Variants in DNAH11 observed in about 807,000 individuals in gnomAD.
The protein encoded by DNAH11 is dynein axonemal heavy chain 11.
In DNAH11, 442 loss-of-function variants were observed where a neutral mutation model predicts 526.0. That is an observed-to-expected ratio of 0.84 (90% CI 0.78 to 0.91). DNAH11 has a LOEUF of 0.91. Ranked by LOEUF, DNAH11 falls within the 40% of genes least tolerant of loss-of-function variation. The probability of loss-of-function intolerance (pLI) is 0.00; values close to 1 mark genes in which losing one functional copy is unlikely to be tolerated. For missense variants in DNAH11, 6,989 were observed against 5,448.7 expected, an observed-to-expected ratio of 1.28 and a Z score of -8.90; for synonymous variants, 2,461 against 1,935.9, an observed-to-expected ratio of 1.27 and a Z score of -7.12.
intron 14 of DNAH11, 64 bp from the exon 15 acceptor site, chr7:21,599,723 A>G: frequency 1.2e-5 from 15 of 1,221,194 alleles, no homozygotes; most frequent in Non-Finnish European, 1.7e-5. Flanking sequence ...ATTTAAACGG[A>G]GAGTTTTAGT....
At chr7:21,816,756 TG>T (rs1256025544) in intron 64 of DNAH11, 54 bp downstream of exon 64, 2 of 1,479,386 alleles carry the variant, frequency 1.4e-6, no homozygotes, top group Non-Finnish European at 1.9e-6. Context: ...GAAGTGGGTC[TG>T]ATTTTTATAA....
intron 58 of DNAH11, among the ~76,000 whole-genome samples, chr7:21,786,159 A>G (rs1788171651): frequency 1.3e-5 from 2 of 152,168 alleles, no homozygotes; most frequent in East Asian, 3.8e-4. Flanking sequence ...AATGGAAGAT[A>G]TTTCTTTCTT....
At chr7:21,742,736 A>C (rs1444579671) in intron 49 of DNAH11, among the ~76,000 whole-genome samples, 4 of 152,214 alleles carry the variant, frequency 2.6e-5, no homozygotes, top group Non-Finnish European at 5.9e-5. Flanking sequence ...TAAACTTCTC[A>C]GGAAGTAAGT....
chr7:21,881,008 C>A (rs1398186035), intron 75 of DNAH11, 115 bp downstream of exon 75: 1 of 933,958 alleles, frequency 1.1e-6, no homozygotes. Context: ...AAATAGCTGA[C>A]ACTATGTATG....
Position 21,854,444 on chromosome 7 carries a change from T to G in DNAH11, c.11191T>G (p.Phe3731Val), listed in dbSNP as rs2128025485. Reference protein sequence around the residue: ...DLQKINPLYQFSLKAFNVLFH... With the variant: ...DLQKINPLYQVSLKAFNVLFH... ...CCAAAAAATCAACCCCCTCTACCAA[T>G]TCTCTTTGAAGGTAATGCTGAATGA... Residue 3731 changes from phenylalanine (F) to valine (V), a missense_variant, in exon 68 of 82, where the codon TTC (phenylalanine) becomes GTC (valine). Phe to Val is a conservative substitution (Grantham distance 50). Transcript: ENST00000409508. 1 of 1,613,724 alleles carries G rather than the reference T, an allele frequency of 6.2e-7. No individual in the cohort carries two copies. The highest frequency in any genetic ancestry group is 2.2e-5 in the East Asian group (1 of 44,834).
chr7:21,550,787 C>G (rs920169776), intron 2 of DNAH11, among the ~76,000 whole-genome samples: 1 of 152,110 alleles, frequency 6.6e-6, no homozygotes, highest in Non-Finnish European at 1.5e-5. Flanking sequence ...TGACCACATT[C>G]CCAGTGGTGG....
In DNAH11 at chr7:21,819,643, A is replaced by G. The variant is rs374380274; in HGVS notation, c.10691+1304A>G. On this transcript the variant is annotated intron_variant, in intron 65 of 81. Coordinates refer to ENST00000409508, the MANE Select transcript of DNAH11 (RefSeq NM_001277115.2). ...CTCTGAGCTTCAATTTCAACTTTCA[A>G]TAGCACAATTTAGGTGTAAGCAATT... Among the ~76,000 whole-genome samples the G allele has an allele frequency of 9.8e-5, 15 of 152,298 alleles. No individual in the cohort carries two copies. In the South Asian group the frequency reaches 1.2e-3, roughly 13 times the overall value.
At chr7:21,567,817 A>G (rs1385783670) in intron 6 of DNAH11, among the ~76,000 whole-genome samples, 1 of 152,268 alleles carries the variant, frequency 6.6e-6, no homozygotes, top group Non-Finnish European at 1.5e-5. Context: ...GGCCAGACAC[A>G]TAAAAGGCAT....
At chr7:21,748,545 G>C in intron 51 of DNAH11, 35 bp from the exon 52 acceptor site, 1 of 1,437,700 alleles carries the variant, frequency 7.0e-7, no homozygotes, top group Admixed American at 2.4e-5. Flanking sequence ...GGGCATTTTC[G>C]ATTTTGTGCC....
intron 62 of DNAH11, among the ~76,000 whole-genome samples, chr7:21,802,368 T>C (rs1481395596): frequency 6.6e-6 from 1 of 152,164 alleles, no homozygotes; most frequent in Non-Finnish European, 1.5e-5. Context: ...GAAATGCTGG[T>C]TGGAATGTAA....
chr7:21,612,219 A>G (rs1583527689), intron 20 of DNAH11, among the ~76,000 whole-genome samples: 1 of 152,160 alleles, frequency 6.6e-6, no homozygotes, highest in Admixed American at 6.5e-5. Context: ...AATAAAAAGA[A>G]AAATATTAAC....
At position 21,861,914 on chromosome 7, in the gene DNAH11, G is replaced by C; in HGVS notation, c.11264G>C (p.Gly3755Ala). Residue 3755 changes from glycine (G) to alanine (A), a missense_variant, in exon 69 of 82, where the codon GGA (glycine) becomes GCA (alanine). Transcript: ENST00000409508. ...GCTGACAAGGTGGAAGACATGCAGG[G>C]ACGCATCTCTATCCTGATGGAGAGC... Reference protein sequence around the residue: ...EQADKVEDMQGRISILMESIT... With the variant: ...EQADKVEDMQARISILMESIT... 6.2e-7 allele frequency: 1 copy of C among 1,613,512 alleles called. No homozygotes were observed. Among genetic ancestry groups the C allele is most frequent in the Non-Finnish European group, 8.5e-7 (1 of 1,179,722 alleles).
chr7:21,639,422 C>T (rs10499533), intron 28 of DNAH11, among the ~76,000 whole-genome samples: 10,844 of 152,178 alleles, frequency 0.071, 1,047 homozygotes, highest in African/African-American at 0.22. Context: ...TCACTTGGAA[C>T]AAGATCATAG....
chr7:21,656,558 T>C (rs750509950), intron 29 of DNAH11, among the ~76,000 whole-genome samples: 4 of 152,170 alleles, frequency 2.6e-5, no homozygotes, highest in Non-Finnish European at 4.4e-5. Context: ...TTAACAGTTA[T>C]CCGCAAGAAT....
chr7:21,884,260 G>A (rs1431944489), intron 75 of DNAH11, 31 bp from the exon 76 acceptor site: 7 of 1,579,350 alleles, frequency 4.4e-6, no homozygotes, highest in Non-Finnish European at 6.0e-6. Flanking sequence ...TCTGCACCCA[G>A]CAGTGAATAT....
At chr7:21,724,416 A>G (rs949103379) in intron 44 of DNAH11, among the ~76,000 whole-genome samples, 4 of 152,232 alleles carry the variant, frequency 2.6e-5, no homozygotes, top group African/African-American at 7.2e-5. Context: ...CCATAATCCA[A>G]TGACATAGGG....
chr7:21,857,594 G>A (rs1030845470), intron 68 of DNAH11, among the ~76,000 whole-genome samples: 1 of 151,868 alleles, frequency 6.6e-6, no homozygotes, highest in Non-Finnish European at 1.5e-5. Flanking sequence ...AAATCTACAC[G>A]AATCAAGATG....
At chr7:21,570,478 C>T (rs1783842967) in intron 7 of DNAH11, 179 bp downstream of exon 7, 1 of 484,888 alleles carries the variant, frequency 2.1e-6, no homozygotes, top group East Asian at 3.3e-5. Context: ...TTTTTTAAAT[C>T]TTTAATTTGG....
At position 21,901,231 on chromosome 7, in the gene DNAH11, G is replaced by GTGGC; in HGVS notation, c.13530_13533dup (p.Leu4512GlyfsTer9). ...GACTGCAAAATGGGTTCTGGCTGGA[G>GTGGC]TGGCTCTGCTTCTAGAAGCGTAAGG... On this transcript the variant is annotated frameshift_variant, in exon 82 of 82. Coordinates refer to ENST00000409508, the MANE Select transcript of DNAH11 (RefSeq NM_001277115.2). LOFTEE classifies it high-confidence loss of function. 1 of 1,609,008 alleles carries GTGGC rather than the reference G, an allele frequency of 6.2e-7. No individual in the cohort carries two copies. Among genetic ancestry groups the GTGGC allele is most frequent in the Non-Finnish European group, 8.5e-7 (1 of 1,177,536 alleles).
Sources: gnomAD v4.1 joint callset for allele counts (sites outside exome capture counted in the v4.1 genomes callset) on GRCh38, gnomAD v4.1.1 for gene constraint, MANE v1.5 for transcripts, NCBI Gene and HGNC (gene_info 2026-07-23, HGNC 2026-07-21) for gene names.